Variants in HEATR4 observed in about 807,000 individuals in gnomAD.
The protein encoded by HEATR4 is HEAT repeat containing 4, also known as HEAT repeat-containing protein 4.
HEATR4 carries 95 observed loss-of-function variants against 108.8 expected under a neutral mutation model. That is an observed-to-expected ratio of 0.87 (90% CI 0.74 to 1.04). The LOEUF is 1.04. Ranked by LOEUF, HEATR4 falls within the 50% of genes least tolerant of loss-of-function variation. The pLI is 0.00. For missense variants in HEATR4, 1,152 were observed against 1,253.8 expected (o/e 0.92, Z 1.23); for synonymous variants, 443 against 459.4 (o/e 0.96, Z 0.46).
the HEATR4 span, among the ~76,000 whole-genome samples, chr14:73,565,596 C>G: frequency 2.0e-5 from 3 of 151,840 alleles, no homozygotes; most frequent in Admixed American, 2.0e-4. Flanking sequence ...CGGATGTGTT[C>G]GGAGTTTCTT....
chr14:73,621,827 G>T, the HEATR4 span, among the ~76,000 whole-genome samples: 1 of 133,694 alleles, frequency 7.5e-6, no homozygotes, highest in Non-Finnish European at 1.5e-5. Context: ...ATAGTGGCAT[G>T]ATCATGGCTT....
intron 9 of HEATR4, 52 bp downstream of exon 9, chr14:73,508,082 A>G (rs1355971657): frequency 6.4e-7 from 1 of 1,551,840 alleles, no homozygotes; most frequent in African/African-American, 1.4e-5. Context: ...CACTGACCTC[A>G]AAGACCTAAT....
Position 73,500,560 on chromosome 14 carries a change from C to T in HEATR4, c.2276G>A (p.Arg759His), listed in dbSNP as rs371496251. The T allele has an allele frequency of 1.6e-5, 25 of 1,612,634 alleles. No individual in the cohort carries two copies. Among genetic ancestry groups the T allele is most frequent in the East Asian group, 8.9e-5 (4 of 44,884 alleles). Residue 759 changes from arginine to histidine, a missense_variant, in exon 12 of 18, where the codon CGC becomes CAC. By Grantham distance (29) the Arg-to-His change is conservative (BLOSUM62 0). Transcript: ENST00000553558. ...GTTTCCCTGACTCACCATCTTGTCG[C>T]GGATCTGCAGGGCACCAGCTGCCAA... ...ACLAAGALQI[R>H]DKMVLECLLN...
intron 11 of HEATR4, among the ~76,000 whole-genome samples, chr14:73,502,130 T>C (rs532567755): frequency 6.1e-4 from 93 of 151,458 alleles, no homozygotes; most frequent in African/African-American, 2.1e-3. Context: ...CTGGGCTCAA[T>C]TGATCCTCCT....
At chr14:73,617,805 G>A in the HEATR4 span, among the ~76,000 whole-genome samples, 1 of 152,128 alleles carries the variant, frequency 6.6e-6, no homozygotes, top group African/African-American at 2.4e-5. Flanking sequence ...TGGTATTATG[G>A]TTTTGTAAAG....
chr14:73,514,866 A>C (rs1887489217), intron 5 of HEATR4, among the ~76,000 whole-genome samples: 1 of 152,030 alleles, frequency 6.6e-6, no homozygotes, highest in African/African-American at 2.4e-5. Flanking sequence ...CAGGAGATCG[A>C]GACCATCCTG....
chr14:73,595,615 C>T, the HEATR4 span: 1 of 1,540,892 alleles, frequency 6.5e-7, no homozygotes. Flanking sequence ...TCTGCAAACA[C>T]CTGGGAGGTA....
chr14:73,619,919 C>CTTT, the HEATR4 span: 816 of 1,173,394 alleles, frequency 7.0e-4, no homozygotes, highest in East Asian at 3.9e-3. Flanking sequence ...TTTCTTTTCT[C>CTTT]TTTTTTTTTT....
rs768714254 is a variant in HEATR4 at position 73,495,263 on chromosome 14, A to G, written c.2750T>C (p.Leu917Pro). 3 of 1,614,042 alleles carry G rather than the reference A, an allele frequency of 1.9e-6. No individual in the cohort carries two copies. Among genetic ancestry groups the G allele is most frequent in the South Asian group, 1.1e-5 (1 of 91,080 alleles). ...TTCTTGGAGTAAAGTCTGGAGTGTT[A>G]GTGGTCCTTGTTCTCCTTTGGGTTT... ...YLKPKGEQGPLTLQTLLQETF... is the reference protein window; with the variant it reads ...YLKPKGEQGPPTLQTLLQETF... The change falls in exon 16 of 18, where the codon CTA (leucine) becomes CCA (proline). Residue 917 changes from leucine to proline, a missense_variant. By Grantham distance (98) the Leu-to-Pro change is moderately conservative. Coordinates refer to ENST00000553558, the MANE Select transcript of HEATR4 (RefSeq NM_001220484.1).
At position 73,544,920 on chromosome 14, in the gene HEATR4, T is replaced by G. The variant is rs1470091510; in HGVS notation, c.-152+13831A>C. Among the ~76,000 whole-genome samples the G allele has an allele frequency of 1.8e-5, 2 of 110,908 alleles. 1 individual carries two copies. Among genetic ancestry groups the G allele is most frequent in the Non-Finnish European group, 3.9e-5 (2 of 51,534 alleles). The allele number at this position is 110,908 out of a possible 152,430, so 72.8% of individuals were successfully genotyped here. A position where few individuals can be genotyped will look rare whatever the true frequency, so the allele number is the denominator to read the frequency against. ...TCTAGCCTGGGTGACAGCAGGATAC[T>G]GTCTCAAAAAAAAAATAAAGAAAAA... is the stretch of plus-strand genomic sequence containing the variant. On this transcript the variant is annotated intron_variant, in intron 1 of 17. Transcript: ENST00000553558.
chr14:73,563,895 G>T (rs1889565921), upstream of HEATR4, among the ~76,000 whole-genome samples: 1 of 151,940 alleles, frequency 6.6e-6, no homozygotes, highest in Admixed American at 6.6e-5. Context: ...CACTTGTTTG[G>T]GAAGAGGAGG....
At chr14:73,564,321 G>T in the HEATR4 span, among the ~76,000 whole-genome samples, 1 of 148,584 alleles carries the variant, frequency 6.7e-6, no homozygotes, top group Non-Finnish European at 1.5e-5. Flanking sequence ...ATTAAAAAAA[G>T]AAACATGGCC....
intron 9 of HEATR4, 96 bp from the exon 10 acceptor site, chr14:73,506,667 A>C: frequency 1.1e-6 from 1 of 887,434 alleles, no homozygotes; most frequent in Non-Finnish European, 1.8e-6. Context: ...TGCATAATTA[A>C]TGTCACCAGT....
chr14:73,565,565 G>A, the HEATR4 span, among the ~76,000 whole-genome samples: 1 of 151,956 alleles, frequency 6.6e-6, no homozygotes, highest in Admixed American at 6.6e-5. Flanking sequence ...GGCATGTCCA[G>A]AGTTCGTTCC....
At chr14:73,606,830 G>A in the HEATR4 span, among the ~76,000 whole-genome samples, 2 of 152,152 alleles carry the variant, frequency 1.3e-5, no homozygotes, top group Non-Finnish European at 2.9e-5. Context: ...CTACAGCACT[G>A]GGCAGTCTTC....
intron 2 of HEATR4, among the ~76,000 whole-genome samples, chr14:73,524,310 A>ATGT (rs1555393076): frequency 3.7e-5 from 2 of 54,788 alleles, no homozygotes; most frequent in African/African-American, 8.8e-5. Flanking sequence ...AAAAAAAAAA[A>ATGT]ATATATATAT....
At chr14:73,484,335 G>A (rs1340056931) in intron 17 of HEATR4, among the ~76,000 whole-genome samples, 1 of 151,784 alleles carries the variant, frequency 6.6e-6, no homozygotes, top group Non-Finnish European at 1.5e-5. Flanking sequence ...GATATTTCAG[G>A]CTTTTGGGGC....
chr14:73,563,738 G>A (rs535072013), upstream of HEATR4, among the ~76,000 whole-genome samples: 1 of 152,090 alleles, frequency 6.6e-6, no homozygotes, highest in East Asian at 1.9e-4. Flanking sequence ...CAAGGCAGGA[G>A]GGTCACTTGA....
In HEATR4 at chr14:73,544,059, A is replaced by G. The variant is rs1414288853; in HGVS notation, c.-151-13815T>C. Among the ~76,000 whole-genome samples the G allele has an allele frequency of 9.6e-5, 11 of 114,814 alleles. 4 individuals carry two copies. Among genetic ancestry groups the G allele is most frequent in the Admixed American group, 3.0e-4 (3 of 10,004 alleles). 75.3% of individuals were successfully genotyped at this position (114,814 alleles called of 152,430 possible). A position where few individuals can be genotyped will look rare whatever the true frequency, so the allele number is the denominator to read the frequency against. On this transcript the variant is annotated intron_variant, in intron 1 of 17. Coordinates refer to ENST00000553558, the MANE Select transcript of HEATR4 (RefSeq NM_001220484.1). Reference sequence around the variant, plus strand: ...TGTAATCCTAGCACTTTGGGAGGCCAAGGTGCGCGGATTACTTGAGGTCAG... The same window carrying G: ...TGTAATCCTAGCACTTTGGGAGGCCGAGGTGCGCGGATTACTTGAGGTCAG...
Sources: gnomAD v4.1 joint callset for allele counts (sites outside exome capture counted in the v4.1 genomes callset) on GRCh38, gnomAD v4.1.1 for gene constraint, MANE v1.5 for transcripts, NCBI Gene and HGNC (gene_info 2026-07-23, HGNC 2026-07-21) for gene names.